Variants in F8 observed in about 807,000 individuals in gnomAD.
F8 encodes antihemophilic factor.
In F8, 12 loss-of-function variants were observed where a neutral mutation model predicts 140.6. The ratio of observed to expected loss-of-function variants is 0.09; its 90% CI spans 0.05 to 0.14. F8 has a LOEUF of 0.14. Among genes scored for constraint, F8 ranks in the 10% least tolerant of loss-of-function variants. The pLI, the probability that F8 is intolerant of heterozygous loss-of-function variation, is 1.00. For synonymous variants in F8, 585 were observed against 614.6 expected (o/e 0.95, Z 0.71); for missense variants, 1,354 against 1,720.7 (o/e 0.79, Z 3.77).
At chrX:154,925,681 G>C (rs893777999) in intron 14 of F8, among the ~76,000 whole-genome samples, 4 of 112,621 alleles carry the variant, frequency 3.6e-5, no homozygotes, top group Middle Eastern at 4.6e-3. Context: ...CTTTGTTTTG[G>C]CCAATTTCTC....
chrX:154,857,407 G>A (rs1194349009), intron 25 of F8, among the ~76,000 whole-genome samples: 2 of 111,965 alleles, frequency 1.8e-5, no homozygotes, highest in Non-Finnish European at 3.8e-5. Flanking sequence ...CTGCTACCCT[G>A]CCTTCTCTCT....
At position 154,926,486 on chromosome X, in the gene F8, G is replaced by A. The variant is rs370409322; in HGVS notation, c.5219+2085C>T. ...CGTCTCCCCAGTTCAAGCGATTCTC[G>A]TGCCTCAGCCTCCTGAGTAGCTGGG... On this transcript the variant is annotated intron_variant, in intron 14 of 25. Transcript: ENST00000360256. 2.0e-3 allele frequency among the ~76,000 whole-genome samples: 223 copies of A among 111,288 alleles called. 1 individual carries two copies. The highest frequency in any genetic ancestry group is 3.4e-3 in the Non-Finnish European group (180 of 52,924).
intron 6 of F8, among the ~76,000 whole-genome samples, chrX:154,974,830 C>A (rs943083851): frequency 2.7e-5 from 3 of 111,279 alleles, no homozygotes; most frequent in Non-Finnish European, 5.7e-5. Context: ...TTGTATGTGT[C>A]CAGGAATTTA....
intron 4 of F8, 89 bp downstream of exon 4, chrX:154,992,847 G>A (rs2073595376): frequency 2.2e-6 from 2 of 901,393 alleles, no homozygotes; most frequent in Non-Finnish European, 3.2e-6. Flanking sequence ...TTCAGGTGAA[G>A]GAACACAAAT....
At chrX:154,965,640 T>C (rs2073419369) in intron 9 of F8, 1 of 237,628 alleles carries the variant, frequency 4.2e-6, no homozygotes, top group Non-Finnish European at 7.5e-6. Context: ...TCATGGACTG[T>C]TCAAAAGCAG....
At chrX:154,932,033 G>A (rs2073201371) in intron 13 of F8, among the ~76,000 whole-genome samples, 1 of 112,429 alleles carries the variant, frequency 8.9e-6, no homozygotes. Context: ...TTGGCTAGAT[G>A]TTATTGCTAT....
chrX:154,929,387 G>T lies in F8; in HGVS notation c.4403C>A (p.Thr1468Asn). ...KKNNLSLAILTLEMTGDQREV... is the reference protein window; with the variant it reads ...KKNNLSLAILNLEMTGDQREV... ...TCTTTGATCACCAGTCATCTCCAAG[G>T]TTAGAATGGCTAAAGAAAGGTTATT... is the stretch of plus-strand genomic sequence containing the variant. The change falls in exon 14 of 26, where the codon ACC becomes AAC. Residue 1468 changes from threonine to asparagine, a missense_variant. Physicochemically the swap from Thr to Asn is moderately conservative, Grantham distance 65. Coordinates refer to ENST00000360256, the MANE Select transcript of F8 (RefSeq NM_000132.4). 1 of 1,211,551 alleles carries T rather than the reference G, an allele frequency of 8.3e-7. No individual in the cohort carries two copies.
At chrX:154,900,931 C>T (rs1184106442) in intron 20 of F8, among the ~76,000 whole-genome samples, 1 of 112,053 alleles carries the variant, frequency 8.9e-6, no homozygotes, top group Non-Finnish European at 1.9e-5. Flanking sequence ...ATCTTTTTGA[C>T]AATTATTTAA....
At chrX:154,998,643 A>G (rs1353242940) in intron 2 of F8, among the ~76,000 whole-genome samples, 1 of 112,266 alleles carries the variant, frequency 8.9e-6, no homozygotes, top group African/African-American at 3.2e-5. Flanking sequence ...TGCTTCTGGC[A>G]GTACAACCCA....
chrX:154,951,685 C>CT (rs1237609874), intron 12 of F8, among the ~76,000 whole-genome samples: 1 of 110,144 alleles, frequency 9.1e-6, no homozygotes. Context: ...CCTCCTGGTC[C>CT]TTTTTTTTCT....
chrX:154,854,477 C>T (rs2072637010), intron 25 of F8, among the ~76,000 whole-genome samples: 1 of 111,570 alleles, frequency 9.0e-6, no homozygotes. Flanking sequence ...GGGTCTGTAG[C>T]CTGCTGGTCT....
intron 22 of F8, among the ~76,000 whole-genome samples, chrX:154,869,668 A>G (rs2072757123): frequency 9.0e-6 from 1 of 111,632 alleles, no homozygotes; most frequent in African/African-American, 3.3e-5. Context: ...TTCAAAAGCT[A>G]GCAGAAGACA....
intron 4 of F8, among the ~76,000 whole-genome samples, chrX:154,987,971 C>T (rs782765201): frequency 2.7e-5 from 3 of 111,744 alleles, no homozygotes; most frequent in Non-Finnish European, 5.6e-5. Flanking sequence ...TTCTCTCTCT[C>T]GCACCCTTAA....
chrX:154,984,253 C>T (rs1280051580), intron 6 of F8, among the ~76,000 whole-genome samples: 1 of 111,534 alleles, frequency 9.0e-6, no homozygotes, highest in African/African-American at 3.3e-5. Flanking sequence ...AACTGGAAGG[C>T]ATCTTATTGT....
intron 10 of F8, among the ~76,000 whole-genome samples, chrX:154,960,636 A>C (rs782038110): frequency 9.1e-6 from 1 of 110,106 alleles, no homozygotes; most frequent in African/African-American, 3.3e-5. Flanking sequence ...ATAACATGGA[A>C]GCTGCAGCAA....
chrX:154,993,125 T>G lies in F8; in HGVS notation c.412A>C (p.Ser138Arg). Residue 138 changes from serine to arginine, a missense_variant, in exon 4 of 26, where the codon AGT becomes CGT. By Grantham distance (110) the Ser-to-Arg change is moderately radical. Coordinates refer to ENST00000360256, the MANE Select transcript of F8 (RefSeq NM_000132.4). ...TTATCATCTTCTTTCTCCCTTTGAC[T>G]GGTCTGATCATCATATTCAGCTCCT... ...SEGAEYDDQT[S>R]QREKEDDKVF... The G allele has an allele frequency of 8.3e-7, 1 of 1,211,277 alleles. No individual in the cohort carries two copies. Among genetic ancestry groups the G allele is most frequent in the African/African-American group, 1.7e-5 (1 of 57,910 alleles).
At chrX:154,839,493 G>A (rs2072502451) in intron 25 of F8, among the ~76,000 whole-genome samples, 2 of 108,954 alleles carry the variant, frequency 1.8e-5, no homozygotes, top group South Asian at 8.1e-4. Flanking sequence ...CTCCCAAGTA[G>A]CTGGGACTAC....
At chrX:154,875,374 A>G (rs185051498) in intron 22 of F8, among the ~76,000 whole-genome samples, 2 of 112,222 alleles carry the variant, frequency 1.8e-5, no homozygotes, top group Admixed American at 1.9e-4. Flanking sequence ...TCTCACCACA[A>G]AAAAAGGTAG....
intron 14 of F8, among the ~76,000 whole-genome samples, chrX:154,928,339 C>T (rs1329434445): frequency 1.8e-5 from 2 of 111,985 alleles, no homozygotes; most frequent in Non-Finnish European, 3.8e-5. Context: ...TAAGATTTCC[C>T]CTGCAGCTCA....
Sources: gnomAD v4.1 joint callset for allele counts (sites outside exome capture counted in the v4.1 genomes callset) on GRCh38, gnomAD v4.1.1 for gene constraint, MANE v1.5 for transcripts, NCBI Gene and HGNC (gene_info 2026-07-23, HGNC 2026-07-21) for gene names.